Variants in TNN observed in about 807,000 individuals in gnomAD.
TNN encodes tenascin N.
Under a neutral mutation model 134.4 loss-of-function variants are expected in TNN, and 122 were observed. The ratio of observed to expected loss-of-function variants is 0.91; its 90% CI spans 0.78 to 1.06. The LOEUF is 1.06. Among genes scored for constraint, TNN ranks in the 50% least tolerant of loss-of-function variants. TNN has a pLI of 0.00. For missense variants in TNN, 1,739 were observed against 1,699.4 expected (o/e 1.02, Z -0.41); for synonymous variants, 710 against 670.3 (o/e 1.06, Z -0.91).
chr1:175,088,114 A>C (rs143318439), intron 6 of TNN, among the ~76,000 whole-genome samples: 18 of 152,192 alleles, frequency 1.2e-4, no homozygotes, highest in African/African-American at 4.3e-4. Context: ...ATTATATAGG[A>C]ATGATTGATT....
At chr1:175,068,238 T>C (rs1401230004) in intron 1 of TNN, among the ~76,000 whole-genome samples, 1 of 152,240 alleles carries the variant, frequency 6.6e-6, no homozygotes, top group Non-Finnish European at 1.5e-5. Flanking sequence ...CACATTTTTG[T>C]ATAAAATGTT....
rs1311203939 is a variant in TNN at position 175,127,085 on chromosome 1, G to A, written c.3045G>A (p.Lys1015=). The change falls in exon 13 of 19, where the codon AAG becomes AAA. Residue 1015 remains lysine (K), a splice_region_variant and synonymous_variant. Coordinates refer to ENST00000239462, the MANE Select transcript of TNN (RefSeq NM_022093.2). The part of the protein sequence containing the change: ...LTYQFPDGTV[K]EMQLGREDQR... ...ACCAGTTCCCAGATGGCACAGTTAA[G>A]GTACGGGGATTCCTTGTCTTTTCTC... The A allele has an allele frequency of 6.2e-7, 1 of 1,612,610 alleles. No homozygotes were observed. Among genetic ancestry groups the A allele is most frequent in the Non-Finnish European group, 8.5e-7 (1 of 1,179,668 alleles).
Position 175,117,025 on chromosome 1 carries a change from G to T in TNN, c.2206G>T (p.Asp736Tyr), listed in dbSNP as rs1001713127. 4 of 1,614,202 alleles carry T rather than the reference G, an allele frequency of 2.5e-6. No individual in the cohort carries two copies. Among genetic ancestry groups the T allele is most frequent in the Non-Finnish European group, 3.4e-6 (4 of 1,180,042 alleles). ...VSWDPVRATI[D>Y]RYVVRYTSAK... ...CTGGGACCCGGTGCGGGCCACCATT[G>T]ACAGGTATGTGGTGCGCTACACCTC... The change falls in exon 10 of 19, where the codon GAC (aspartate) becomes TAC (tyrosine). Residue 736 changes from aspartate to tyrosine, a missense_variant. Coordinates refer to ENST00000239462, the MANE Select transcript of TNN (RefSeq NM_022093.2).
intron 1 of TNN, among the ~76,000 whole-genome samples, chr1:175,069,730 T>C (rs768929377): frequency 1.3e-5 from 2 of 152,222 alleles, no homozygotes; most frequent in Non-Finnish European, 2.9e-5. Flanking sequence ...GATCTCTGGA[T>C]GGACAGGGAC....
At position 175,136,958 on chromosome 1, in the gene TNN, C is replaced by G. The variant is rs767352038; in HGVS notation, c.3565C>G (p.Leu1189Val). The change falls in exon 17 of 19, where the codon CTG becomes GTG. Residue 1189 changes from leucine (L) to valine (V), a missense_variant. By Grantham distance (32) the Leu-to-Val change is conservative (BLOSUM62 1). Coordinates refer to ENST00000239462, the MANE Select transcript of TNN (RefSeq NM_022093.2). ...GGCCTCCAGCAAGGAGCGGTATAAG[C>G]TGACAGTTGGGAAATACAGAGGCAC... ...QVASSKERYK[L>V]TVGKYRGTAG... 6.2e-6 allele frequency: 10 copies of G among 1,614,106 alleles called. No homozygotes were observed. Among genetic ancestry groups the G allele is most frequent in the Non-Finnish European group, 8.5e-6 (10 of 1,179,994 alleles).
chr1:175,132,977 A>G (rs1244179330), intron 15 of TNN, among the ~76,000 whole-genome samples: 1 of 152,280 alleles, frequency 6.6e-6, no homozygotes, highest in Non-Finnish European at 1.5e-5. Context: ...TTCAAGGCAC[A>G]TGCTGTGAAG....
At chr1:175,085,672 C>T (rs1017945590) in intron 6 of TNN, among the ~76,000 whole-genome samples, 178 bp downstream of exon 6, 4 of 151,932 alleles carry the variant, frequency 2.6e-5, no homozygotes, top group African/African-American at 4.8e-5. Context: ...GTCGGGAGTT[C>T]GAGACCAGCC....
chr1:175,103,238 G>T (rs922588524), intron 9 of TNN, among the ~76,000 whole-genome samples: 3 of 146,392 alleles, frequency 2.0e-5, no homozygotes, highest in Admixed American at 1.4e-4. Flanking sequence ...ATAAGAATTT[G>T]AAAGGCGTTG....
At chr1:175,146,718 C>T (rs1676078272) in intron 18 of TNN, among the ~76,000 whole-genome samples, 1 of 152,024 alleles carries the variant, frequency 6.6e-6, no homozygotes, top group South Asian at 2.1e-4. Flanking sequence ...GTCCTCTCAG[C>T]CCGTCTAACC....
chr1:175,078,374 G>C (rs1269242535), intron 2 of TNN, among the ~76,000 whole-genome samples: 3 of 152,032 alleles, frequency 2.0e-5, no homozygotes, highest in African/African-American at 7.2e-5. Context: ...TATTTTATTA[G>C]TAAAAATTAC....
rs550501782 is a variant in TNN, at chr1:175,135,933, T to A, written c.3419T>A (p.Phe1140Tyr). The A allele has an allele frequency of 1.2e-6, 2 of 1,611,298 alleles. No homozygotes were observed. Among genetic ancestry groups the A allele is most frequent in the African/African-American group, 2.7e-5 (2 of 74,848 alleles). ...VEGFGDPMKE[F>Y]WLGLDKLHNL... ...GGCTTTGGGGACCCCATGAAGGAGTTCTGGCTTGGTATGATCTCAGAATCC... is the reference window on the plus strand; with the variant it reads ...GGCTTTGGGGACCCCATGAAGGAGTACTGGCTTGGTATGATCTCAGAATCC... Residue 1140 changes from phenylalanine (F) to tyrosine (Y), a missense_variant, in exon 16 of 19, where the codon TTC becomes TAC. By Grantham distance (22) the Phe-to-Tyr change is conservative. Transcript: ENST00000239462.
intron 7 of TNN, among the ~76,000 whole-genome samples, chr1:175,095,838 T>G (rs776897498): frequency 1.3e-5 from 2 of 152,206 alleles, no homozygotes; most frequent in Admixed American, 1.3e-4. Context: ...CCTCCCAAAG[T>G]GCTGGGAAAT....
chr1:175,121,569 C>T (rs1042153864), intron 11 of TNN, among the ~76,000 whole-genome samples: 1 of 152,198 alleles, frequency 6.6e-6, no homozygotes, highest in East Asian at 1.9e-4. Flanking sequence ...GAGAAAATGA[C>T]AAGGATAGAA....
intron 6 of TNN, among the ~76,000 whole-genome samples, chr1:175,088,475 G>C (rs1310247898): frequency 1.3e-5 from 2 of 152,072 alleles, no homozygotes; most frequent in Non-Finnish European, 2.9e-5. Flanking sequence ...TTTTCATACT[G>C]TTTGCTTCCT....
At chr1:175,143,922 C>A (rs956090325) in intron 17 of TNN, among the ~76,000 whole-genome samples, 2 of 127,334 alleles carry the variant, frequency 1.6e-5, no homozygotes, top group African/African-American at 2.7e-5. Context: ...GGAGCAGAGA[C>A]ATAGGGGTGT....
At chr1:175,130,145 A>G (rs1675637342) in intron 15 of TNN, among the ~76,000 whole-genome samples, 1 of 152,194 alleles carries the variant, frequency 6.6e-6, no homozygotes, top group Admixed American at 6.5e-5. Flanking sequence ...GCTCCAAGCC[A>G]GCATGCAGCC....
At chr1:175,131,441 T>C (rs1362353939) in intron 15 of TNN, among the ~76,000 whole-genome samples, 1 of 152,166 alleles carries the variant, frequency 6.6e-6, no homozygotes, top group Non-Finnish European at 1.5e-5. Context: ...TGTTTGTTTG[T>C]TTTTCTCCCT....
In TNN at chr1:175,136,837, C is replaced by T; in HGVS notation, c.3444C>T (p.His1148=). The part of the protein sequence containing the change: ...KEFWLGLDKL[H]NLTTGTPARY... The stretch of plus-strand genomic sequence containing the variant: ...TATTTTTAGGACTTGACAAGCTACA[C>T]AACCTCACCACCGGCACTCCAGCGC... The change falls in exon 17 of 19, where the codon CAC becomes CAT. Residue 1148 remains histidine, a synonymous_variant. Transcript: ENST00000239462. 6.2e-7 allele frequency: 1 copy of T among 1,613,896 alleles called. No homozygotes were observed.
chr1:175,077,878 T>C, intron 2 of TNN, 51 bp downstream of exon 2: 5 of 1,554,340 alleles, frequency 3.2e-6, no homozygotes, highest in Non-Finnish European at 4.4e-6. Flanking sequence ...GAGCACCTAT[T>C]ATGTGCCAGG....
Sources: allele counts gnomAD v4.1 joint callset (sites outside exome capture counted in the v4.1 genomes callset), GRCh38; gene constraint gnomAD v4.1.1; transcripts MANE v1.5; gene names NCBI Gene and HGNC (gene_info 2026-07-23, HGNC 2026-07-21).